Variants in CPED1 observed in about 807,000 individuals in gnomAD.
The protein encoded by CPED1 is cadherin-like and PC-esterase domain-containing protein 1.
In CPED1, 114 loss-of-function variants were observed where a neutral mutation model predicts 128.2. The observed-to-expected ratio is 0.89, with a 90% CI of 0.76 to 1.04. CPED1 has a LOEUF of 1.04. Ranked by LOEUF, CPED1 falls within the 50% of genes least tolerant of loss-of-function variation. The pLI, the probability that CPED1 is intolerant of heterozygous loss-of-function variation, is 0.00. For missense variants in CPED1, 1,211 were observed against 1,207.1 expected (o/e 1.00, Z -0.05); for synonymous variants, 462 against 426.7 (o/e 1.08, Z -1.02).
rs376933473 is a variant in CPED1 at position 121,286,279 on chromosome 7, G to A, written c.2869-9161G>A. ...AGGGATTACAGGAACTACAATTCAC[G>A]ATGAGATTCAGGTGGGGACATGGCC... On this transcript the variant is annotated intron_variant, in intron 22 of 22. Transcript: ENST00000310396. Among the ~76,000 whole-genome samples, 6 of 152,040 alleles carry A rather than the reference G, an allele frequency of 3.9e-5. No homozygotes were observed. The East Asian group carries it at 7.7e-4, about 20-fold the overall frequency.
intron 16 of CPED1, among the ~76,000 whole-genome samples, chr7:121,177,113 C>T (rs1412063243): frequency 6.6e-6 from 1 of 152,016 alleles, no homozygotes; most frequent in Non-Finnish European, 1.5e-5. Flanking sequence ...TTCTCATTCC[C>T]AGAAGGTACC....
At chr7:121,124,959 C>T (rs1268018786) in intron 8 of CPED1, among the ~76,000 whole-genome samples, 2 of 152,008 alleles carry the variant, frequency 1.3e-5, no homozygotes, top group African/African-American at 2.4e-5. Context: ...TGTTAAATCT[C>T]GTACGTCAAA....
At position 121,192,709 on chromosome 7, in the gene CPED1, T is replaced by C. The variant is rs577107921; in HGVS notation, c.2056-44005T>C. Among the ~76,000 whole-genome samples the C allele has an allele frequency of 1.4e-3, 216 of 152,236 alleles. 1 individual carries two copies. Among genetic ancestry groups the C allele is most frequent in the African/African-American group, 5.1e-3 (212 of 41,554 alleles). On this transcript the variant is annotated intron_variant, in intron 16 of 22. Transcript: ENST00000310396. Reference sequence around the variant, plus strand: ...AGAGAATACACAAAGAATGAAAGGATAGAGAAAATTTCCAGAGAAAACTAT... The same window carrying C: ...AGAGAATACACAAAGAATGAAAGGACAGAGAAAATTTCCAGAGAAAACTAT...
In CPED1 at chr7:121,046,804, C is replaced by T. The variant is rs570731509; in HGVS notation, c.434-83C>T. Reference sequence around the variant, plus strand: ...TTGTGTTTCAGAATTTAAATAATTACATTTTTTAATCTGAAGAATTAAATA... The same window carrying T: ...TTGTGTTTCAGAATTTAAATAATTATATTTTTTAATCTGAAGAATTAAATA... On this transcript the variant is annotated intron_variant, in intron 3 of 22. Coordinates refer to ENST00000310396, the MANE Select transcript of CPED1 (RefSeq NM_024913.5). The T allele has an allele frequency of 2.9e-5, 24 of 835,570 alleles. No homozygotes were observed. In the African/African-American group the frequency reaches 4.0e-4, roughly 14 times the overall value. 51.8% of individuals were successfully genotyped at this position (835,570 alleles called of 1,614,324 possible). A position where few individuals can be genotyped will look rare whatever the true frequency, so the allele number is the denominator to read the frequency against.
chr7:121,259,260 C>T (rs1187021875), intron 18 of CPED1, among the ~76,000 whole-genome samples: 1 of 152,022 alleles, frequency 6.6e-6, no homozygotes, highest in East Asian at 1.9e-4. Flanking sequence ...TCTAACCACA[C>T]TTAATGGCCT....
intron 2 of CPED1, among the ~76,000 whole-genome samples, chr7:121,012,510 C>G (rs1215221702): frequency 6.6e-6 from 1 of 152,190 alleles, no homozygotes; most frequent in Non-Finnish European, 1.5e-5. Context: ...TAATCAGGAC[C>G]TCTTATTTCT....
intron 16 of CPED1, among the ~76,000 whole-genome samples, chr7:121,163,995 T>C: frequency 6.6e-6 from 1 of 152,170 alleles, no homozygotes; most frequent in East Asian, 1.9e-4. Context: ...AATCTAAACA[T>C]TTTAGTTAGA....
intron 2 of CPED1, among the ~76,000 whole-genome samples, chr7:121,008,761 A>G (rs181162129): frequency 1.3e-5 from 2 of 152,044 alleles, no homozygotes; most frequent in African/African-American, 4.8e-5. Context: ...CTTGCAAAAC[A>G]CTAGCCCTCC....
rs1464714306 is a variant in CPED1 at position 121,210,143 on chromosome 7, C to T, written c.2056-26571C>T. 2.6e-5 allele frequency among the ~76,000 whole-genome samples: 4 copies of T among 151,926 alleles called. No homozygotes were observed. In the East Asian group the frequency reaches 7.8e-4, roughly 30 times the overall value. On this transcript the variant is annotated intron_variant, in intron 16 of 22. Transcript: ENST00000310396. ...CACCCCACTTAAAATGGCTTTTATC[C>T]AAAAGACAGGTAATAACAAAGGGAG...
chr7:121,220,248 G>A (rs1305610821), intron 16 of CPED1, among the ~76,000 whole-genome samples: 2 of 152,012 alleles, frequency 1.3e-5, no homozygotes, highest in African/African-American at 2.4e-5. Context: ...CCAAATTAAT[G>A]TGACTAATTT....
intron 18 of CPED1, among the ~76,000 whole-genome samples, chr7:121,246,234 G>A (rs900852635): frequency 2.6e-5 from 4 of 152,160 alleles, no homozygotes; most frequent in African/African-American, 7.2e-5. Context: ...TTTTGGACAC[G>A]ACACGTCTTG....
intron 9 of CPED1, 21 bp from the exon 10 acceptor site, chr7:121,127,069 T>A: frequency 1.3e-6 from 2 of 1,519,108 alleles, no homozygotes; most frequent in Non-Finnish European, 1.8e-6. Flanking sequence ...AAATATTTGC[T>A]GTGCTTTTGT....
At chr7:121,279,766 T>TA (rs1322592407) in intron 22 of CPED1, among the ~76,000 whole-genome samples, 1 of 152,162 alleles carries the variant, frequency 6.6e-6, no homozygotes, top group African/African-American at 2.4e-5. Context: ...AAAATGGAAC[T>TA]GCAGAAAGTC....
rs1283038160 is a variant in CPED1 at position 121,239,562 on chromosome 7, ATT to A, written c.2173+2734_2173+2735del. ...AATTTAAAAAAATTTATCCTACCTT[ATT>A]TTAGCAAGGAATTATGACAACTTAT... On this transcript the variant is annotated intron_variant, in intron 17 of 22. Coordinates refer to ENST00000310396, the MANE Select transcript of CPED1 (RefSeq NM_024913.5). 2.0e-5 allele frequency among the ~76,000 whole-genome samples: 3 copies of A among 152,288 alleles called. No homozygotes were observed. The East Asian group carries it at 5.8e-4, about 29-fold the overall frequency.
At chr7:121,105,125 A>AC (rs1794942750) in intron 7 of CPED1, among the ~76,000 whole-genome samples, 2 of 152,108 alleles carry the variant, frequency 1.3e-5, no homozygotes, top group Non-Finnish European at 2.9e-5. Flanking sequence ...TACAATCAGC[A>AC]AATGTGCACA....
chr7:121,076,173 G>C (rs936718040), intron 5 of CPED1, among the ~76,000 whole-genome samples: 3 of 152,112 alleles, frequency 2.0e-5, no homozygotes, highest in Non-Finnish European at 4.4e-5. Context: ...AGAGAGTTTT[G>C]GCAATGCCTG....
intron 16 of CPED1, among the ~76,000 whole-genome samples, chr7:121,184,407 G>A (rs1316988894): frequency 6.6e-6 from 1 of 152,146 alleles, no homozygotes; most frequent in Admixed American, 6.5e-5. Context: ...AAAACATATT[G>A]CTACTTTAAT....
intron 7 of CPED1, among the ~76,000 whole-genome samples, chr7:121,121,555 T>C (rs1321147833): frequency 6.6e-6 from 1 of 152,242 alleles, no homozygotes; most frequent in Non-Finnish European, 1.5e-5. Flanking sequence ...TTATTCATAT[T>C]TATTTTATTG....
intron 16 of CPED1, among the ~76,000 whole-genome samples, chr7:121,195,722 A>G (rs1448554902): frequency 2.0e-5 from 3 of 152,214 alleles, no homozygotes; most frequent in Non-Finnish European, 4.4e-5. Context: ...CATTTTGAAG[A>G]AAACATTTAT....
Sources: allele counts gnomAD v4.1 joint callset (sites outside exome capture counted in the v4.1 genomes callset), GRCh38; gene constraint gnomAD v4.1.1; transcripts MANE v1.5; gene names NCBI Gene and HGNC (gene_info 2026-07-23, HGNC 2026-07-21).